The following B3GALT1 variants were observed in gnomAD, a reference collection of about 807,000 sequenced individuals.
The protein encoded by B3GALT1 is UDP-Gal:betaGlcNAc beta 1,3-galactosyltransferase, polypeptide 1.
A neutral mutation model predicts 23.2 loss-of-function variants in B3GALT1; 10 were observed. That is an observed-to-expected ratio of 0.43 (90% confidence interval 0.27 to 0.73). The LOEUF (loss-of-function observed/expected upper bound fraction) is 0.73. B3GALT1 is among the 30% of genes least tolerant of loss of function. The pLI is 0.21. For missense variants in B3GALT1, 299 were observed against 405.4 expected (o/e 0.74, Z 2.25); for synonymous variants, 156 against 141.5 (o/e 1.10, Z -0.73).
chr2:167,803,248 G>C (rs1393773386), intron 3 of B3GALT1, among the ~76,000 whole-genome samples: 3 of 152,048 alleles, frequency 2.0e-5, no homozygotes, highest in Non-Finnish European at 4.4e-5. Flanking sequence ...ATGGCTAAAT[G>C]GGTCATCATT....
intron 3 of B3GALT1, among the ~76,000 whole-genome samples, chr2:167,734,151 A>G (rs78819068): frequency 1.3e-5 from 2 of 152,172 alleles, no homozygotes; most frequent in Non-Finnish European, 2.9e-5. Context: ...ACAGGTCTAT[A>G]AAAAATATTG....
At chr2:167,456,045 C>G (rs180900226) in intron 1 of B3GALT1, among the ~76,000 whole-genome samples, 2 of 152,198 alleles carry the variant, frequency 1.3e-5, no homozygotes, top group Admixed American at 1.3e-4. Flanking sequence ...TTAGTCTGTT[C>G]TGCATTGCTG....
intron 3 of B3GALT1, among the ~76,000 whole-genome samples, chr2:167,700,112 C>T (rs1336095421): frequency 6.6e-6 from 1 of 152,086 alleles, no homozygotes; most frequent in Non-Finnish European, 1.5e-5. Context: ...TATCCAGGCG[C>T]AATGGTACAC....
chr2:167,301,569 G>A (rs1696445932), intron 1 of B3GALT1, among the ~76,000 whole-genome samples: 1 of 152,124 alleles, frequency 6.6e-6, no homozygotes, highest in African/African-American at 2.4e-5. Flanking sequence ...TTTATTTATT[G>A]AGATGGAGTC....
chr2:167,474,764 T>A (rs1484480387), intron 1 of B3GALT1, among the ~76,000 whole-genome samples: 1 of 152,164 alleles, frequency 6.6e-6, no homozygotes, highest in African/African-American at 2.4e-5. Flanking sequence ...ATTATTATCA[T>A]TTGGTAGACT....
At chr2:167,722,229 A>G (rs1219672739) in intron 3 of B3GALT1, among the ~76,000 whole-genome samples, 1 of 152,252 alleles carries the variant, frequency 6.6e-6, no homozygotes, top group Non-Finnish European at 1.5e-5. Flanking sequence ...TTCCATTTGT[A>G]GTTGAGAATT....
intron 2 of B3GALT1, among the ~76,000 whole-genome samples, chr2:167,511,586 C>A (rs895148512): frequency 6.6e-6 from 1 of 151,962 alleles, no homozygotes; most frequent in African/African-American, 2.4e-5. Flanking sequence ...CAGTCTAATA[C>A]AGAAAAGAAT....
intron 3 of B3GALT1, among the ~76,000 whole-genome samples, chr2:167,807,838 G>A (rs1299969533): frequency 6.6e-6 from 1 of 152,158 alleles, no homozygotes. Context: ...GGTCTGCTTG[G>A]TGCAGAGCTG....
intron 1 of B3GALT1, among the ~76,000 whole-genome samples, chr2:167,353,739 G>T (rs1697356293): frequency 6.6e-6 from 1 of 152,090 alleles, no homozygotes; most frequent in Admixed American, 6.5e-5. Flanking sequence ...ACTCTTGAAT[G>T]ATTTTTCAAT....
chr2:167,820,444 G>A (rs2105364506), intron 4 of B3GALT1, among the ~76,000 whole-genome samples: 1 of 152,232 alleles, frequency 6.6e-6, no homozygotes, highest in Middle Eastern at 3.4e-3. Flanking sequence ...GAGTAGAAAG[G>A]ATCTATGGCA....
chr2:167,679,019 C>G (rs1187052292), intron 3 of B3GALT1, among the ~76,000 whole-genome samples: 5 of 151,984 alleles, frequency 3.3e-5, no homozygotes, highest in Non-Finnish European at 7.4e-5. Context: ...TGAACCTTTC[C>G]AATCTTTTTA....
intron 1 of B3GALT1, among the ~76,000 whole-genome samples, chr2:167,305,371 A>G (rs1031680068): frequency 5.3e-5 from 8 of 152,092 alleles, no homozygotes; most frequent in Non-Finnish European, 1.0e-4. Context: ...GCCATAATTT[A>G]TTTATTATGA....
chr2:167,618,390 T>C (rs1249955584), intron 2 of B3GALT1, among the ~76,000 whole-genome samples: 2 of 152,072 alleles, frequency 1.3e-5, no homozygotes, highest in Non-Finnish European at 2.9e-5. Flanking sequence ...GTTTGCTATA[T>C]TAGATATGTG....
At chr2:167,612,037 A>G (rs1429975574) in intron 2 of B3GALT1, among the ~76,000 whole-genome samples, 2 of 152,042 alleles carry the variant, frequency 1.3e-5, no homozygotes, top group African/African-American at 4.8e-5. Context: ...TAGCTGATGA[A>G]AATGTCTTCA....
At chr2:167,742,658 T>C (rs1190029126) in intron 3 of B3GALT1, among the ~76,000 whole-genome samples, 1 of 152,166 alleles carries the variant, frequency 6.6e-6, no homozygotes, top group Non-Finnish European at 1.5e-5. Context: ...TGTTAAATAA[T>C]AAGAACCCAT....
At chr2:167,359,688 T>C (rs890328816) in intron 1 of B3GALT1, among the ~76,000 whole-genome samples, 9 of 152,174 alleles carry the variant, frequency 5.9e-5, no homozygotes, top group African/African-American at 2.2e-4. Flanking sequence ...GAATGCCATC[T>C]TCACAACACC....
chr2:167,652,016 A>G (rs1272897886), intron 3 of B3GALT1, among the ~76,000 whole-genome samples: 21 of 152,216 alleles, frequency 1.4e-4, no homozygotes, highest in Middle Eastern at 3.4e-3. Context: ...CTTACAATAG[A>G]CAGAAGACTG....
chr2:167,515,714 G>A (rs749022348), intron 2 of B3GALT1, among the ~76,000 whole-genome samples: 8 of 151,994 alleles, frequency 5.3e-5, no homozygotes, highest in Non-Finnish European at 8.8e-5. Flanking sequence ...CCATCATAGA[G>A]CAAGTTTATC....
intron 3 of B3GALT1, among the ~76,000 whole-genome samples, chr2:167,796,555 T>C: frequency 6.6e-6 from 1 of 152,184 alleles, no homozygotes; most frequent in East Asian, 1.9e-4. Flanking sequence ...GAGACCAGCC[T>C]GGCCAACATG....
Sources: allele counts gnomAD v4.1 joint callset (sites outside exome capture counted in the v4.1 genomes callset), GRCh38; gene constraint gnomAD v4.1.1; transcripts MANE v1.5; gene names NCBI Gene and HGNC (gene_info 2026-07-23, HGNC 2026-07-21).